Variants in RNF38 observed in about 807,000 individuals in gnomAD.
RNF38 encodes the protein ring finger protein 38.
In RNF38, 15 loss-of-function variants were observed where a neutral mutation model predicts 67.2. The ratio of observed to expected loss-of-function variants is 0.22; its 90% CI spans 0.15 to 0.34. The LOEUF is 0.34. RNF38 is among the 10% of genes least tolerant of loss of function. The pLI is 1.00. For missense variants in RNF38, 524 were observed against 639.9 expected, an observed-to-expected ratio of 0.82 and a Z score of 1.95; for synonymous variants, 220 against 218.8, an observed-to-expected ratio of 1.01 and a Z score of -0.05.
chr9:36,459,336 T>C (rs1346460648), intron 1 of RNF38, among the ~76,000 whole-genome samples: 1 of 152,098 alleles, frequency 6.6e-6, no homozygotes, highest in Non-Finnish European at 1.5e-5. Flanking sequence ...CTCCCTGAAA[T>C]TACTTTATCT....
chr9:36,373,713 G>A (rs2133827015), intron 3 of RNF38, among the ~76,000 whole-genome samples: 1 of 151,864 alleles, frequency 6.6e-6, no homozygotes, highest in African/African-American at 2.4e-5. Context: ...GACTTCAGGT[G>A]ATCCGCCTGC....
At chr9:36,375,411 C>T (rs189848891) in intron 3 of RNF38, among the ~76,000 whole-genome samples, 30 of 152,198 alleles carry the variant, frequency 2.0e-4, no homozygotes, top group Admixed American at 1.4e-3. Context: ...AGGCTGGTCT[C>T]GAACTCCTGG....
Position 36,356,292 on chromosome 9 carries a change from G to A in RNF38, c.909+11C>T. The A allele has an allele frequency of 1.2e-6, 2 of 1,613,430 alleles. No individual in the cohort carries two copies. Among genetic ancestry groups the A allele is most frequent in the South Asian group, 2.2e-5 (2 of 91,040 alleles). On this transcript the variant is annotated intron_variant, in intron 6 of 11. Coordinates refer to ENST00000259605, the MANE Select transcript of RNF38 (RefSeq NM_022781.5). ...AACTAAACATTCTGACATAATAGTAGAGATACCTACCGATCGTGATTGCTG... is the reference window on the plus strand; with the variant it reads ...AACTAAACATTCTGACATAATAGTAAAGATACCTACCGATCGTGATTGCTG...
In RNF38 at chr9:36,407,182, G is replaced by A. The variant is rs180728956; in HGVS notation, n.313-16566C>T. ...GTTAACACAAATCAAAGTAGAAAAA[G>A]TTAATTAGTAGCAGCTGCCGGCTAT... On this transcript the variant is annotated intron_variant and non_coding_transcript_variant, in intron 2 of 3. Coordinates refer to the RNF38 transcript ENST00000488058. Among the ~76,000 whole-genome samples the A allele has an allele frequency of 2.0e-3, 306 of 152,332 alleles. 2 individuals carry two copies. The highest frequency in any genetic ancestry group is 2.0e-3 in the Non-Finnish European group (137 of 68,026).
At chr9:36,455,978 C>T (rs1839585320) in intron 1 of RNF38, among the ~76,000 whole-genome samples, 1 of 151,676 alleles carries the variant, frequency 6.6e-6, no homozygotes, top group African/African-American at 2.4e-5. Flanking sequence ...TGCCATTTAA[C>T]CAAATCACAG....
chr9:36,446,341 G>A (rs772645969), intron 1 of RNF38, among the ~76,000 whole-genome samples: 1 of 152,298 alleles, frequency 6.6e-6, no homozygotes, highest in African/African-American at 2.4e-5. Flanking sequence ...CCAACAATCT[G>A]TAAGAGTTGA....
intron 1 of RNF38, among the ~76,000 whole-genome samples, chr9:36,427,659 CTATCTATCTAT>C (rs1564058746): frequency 2.5e-4 from 5 of 20,314 alleles, no homozygotes; most frequent in African/African-American, 5.9e-4. Flanking sequence ...TTCCCAGCCT[CTATCTATCTAT>C]CTATCTATCT....
chr9:36,397,633 C>T (rs1003351289), intron 1 of RNF38, among the ~76,000 whole-genome samples: 1 of 152,090 alleles, frequency 6.6e-6, no homozygotes, highest in Non-Finnish European at 1.5e-5. Context: ...TCCCCTACTT[C>T]CTTTCCCCAG....
intron 1 of RNF38, among the ~76,000 whole-genome samples, chr9:36,481,280 G>A (rs1233250552): frequency 6.6e-6 from 1 of 152,202 alleles, no homozygotes; most frequent in African/African-American, 2.4e-5. Flanking sequence ...CTCCCAAAGT[G>A]CTGGGATTAC....
intron 3 of RNF38, 101 bp from the exon 4 acceptor site, chr9:36,370,033 A>G (rs1750084421): frequency 1.1e-6 from 1 of 927,162 alleles, no homozygotes; most frequent in African/African-American, 1.7e-5. Flanking sequence ...TGCTAAGGTA[A>G]GCTTCATTAT....
intron 2 of RNF38, among the ~76,000 whole-genome samples, chr9:36,390,161 T>C (rs1836966120): frequency 6.6e-6 from 1 of 152,192 alleles, no homozygotes; most frequent in Admixed American, 6.5e-5. Flanking sequence ...ACTTCATATA[T>C]TCTACACTAT....
At chr9:36,394,142 G>A (rs1030462293) in intron 1 of RNF38, among the ~76,000 whole-genome samples, 1 of 152,172 alleles carries the variant, frequency 6.6e-6, no homozygotes, top group African/African-American at 2.4e-5. Context: ...GGGCGTGGTG[G>A]CGCACACCTG....
At chr9:36,366,712 T>G (rs1407114651) in intron 4 of RNF38, among the ~76,000 whole-genome samples, 1 of 152,246 alleles carries the variant, frequency 6.6e-6, no homozygotes, top group Non-Finnish European at 1.5e-5. Flanking sequence ...TTATTCCAGG[T>G]AGCAGGAAAG....
chr9:36,433,336 C>T (rs1838978564), intron 1 of RNF38, among the ~76,000 whole-genome samples: 1 of 151,644 alleles, frequency 6.6e-6, no homozygotes, highest in South Asian at 2.1e-4. Context: ...CCCCCTTACC[C>T]TAATGTGATT....
Position 36,423,668 on chromosome 9 carries a change from G to A in RNF38, n.312+945C>T, listed in dbSNP as rs866878556. 1.2e-4 allele frequency among the ~76,000 whole-genome samples: 3 copies of A among 25,664 alleles called. 1 individual carries two copies. The highest frequency in any genetic ancestry group is 2.5e-4 in the African/African-American group (2 of 7,986). The allele number at this position is 25,664 out of a possible 152,430, so 16.8% of individuals were successfully genotyped here. On this transcript the variant is annotated intron_variant and non_coding_transcript_variant, in intron 2 of 3. Transcript: ENST00000488058. ...GTACTGATGAGTATTGAAAAGCCCC[G>A]GCCGGGCGCGGTGGCTCACGCCTGT...
At chr9:36,372,551 G>C (rs1182411203) in intron 3 of RNF38, 4 of 715,812 alleles carry the variant, frequency 5.6e-6, no homozygotes, top group Middle Eastern at 2.3e-4. Flanking sequence ...GCTTGGCACA[G>C]CCTGTTTCTG....
At chr9:36,375,886 A>G in intron 3 of RNF38, 48 bp downstream of exon 3, 3 of 1,529,376 alleles carry the variant, frequency 2.0e-6, no homozygotes, top group African/African-American at 2.8e-5. Flanking sequence ...TATACTCACA[A>G]ATCTACCAAT....
intron 1 of RNF38, among the ~76,000 whole-genome samples, chr9:36,469,233 T>C (rs1242187956): frequency 7.2e-5 from 11 of 152,138 alleles, no homozygotes; most frequent in South Asian, 2.1e-4. Context: ...CCTTTCTATA[T>C]AGAGAGAGAG....
chr9:36,483,748 A>G (rs753155527), intron 1 of RNF38, among the ~76,000 whole-genome samples: 1 of 152,150 alleles, frequency 6.6e-6, no homozygotes, highest in Non-Finnish European at 1.5e-5. Flanking sequence ...AGACATAATG[A>G]CATGTTTACC....
Sources: allele counts gnomAD v4.1 joint callset (sites outside exome capture counted in the v4.1 genomes callset), GRCh38; gene constraint gnomAD v4.1.1; transcripts MANE v1.5; gene names NCBI Gene and HGNC (gene_info 2026-07-23, HGNC 2026-07-21).